FGF14: variants seen among roughly 807,000 people sequenced by gnomAD.
FGF14 encodes fibroblast growth factor 14.
A neutral mutation model predicts 25.5 loss-of-function variants in FGF14; 5 were observed. That is an observed-to-expected ratio of 0.20 (90% CI 0.10 to 0.41). FGF14 has a LOEUF of 0.41. FGF14 is among the 10% of genes least tolerant of loss of function. The pLI is 1.00. For missense variants in FGF14, 222 were observed against 320.1 expected (o/e 0.69, Z 2.34); for synonymous variants, 138 against 118.3 (o/e 1.17, Z -1.08).
chr13:101,805,440 T>C (rs1467333747), intron 3 of FGF14, among the ~76,000 whole-genome samples: 1 of 152,188 alleles, frequency 6.6e-6, no homozygotes, highest in Admixed American at 6.6e-5. Flanking sequence ...TTCACTTTTA[T>C]TGCTGTGTTT....
At chr13:102,377,387 A>G (rs904325380) in intron 1 of FGF14, among the ~76,000 whole-genome samples, 3 of 152,240 alleles carry the variant, frequency 2.0e-5, no homozygotes, top group African/African-American at 7.2e-5. Flanking sequence ...TAGGGAAGAG[A>G]ATAGTAAAAA....
intron 3 of FGF14, among the ~76,000 whole-genome samples, chr13:101,754,292 A>G (rs1244546470): frequency 6.6e-6 from 1 of 152,204 alleles, no homozygotes; most frequent in Non-Finnish European, 1.5e-5. Flanking sequence ...GCCTTAATAA[A>G]AAAGTAGAGA....
intron 1 of FGF14, among the ~76,000 whole-genome samples, chr13:101,986,989 G>A (rs2038621560): frequency 6.6e-6 from 1 of 151,096 alleles, no homozygotes; most frequent in Non-Finnish European, 1.5e-5. Flanking sequence ...ATTTCTATCA[G>A]CTCCATCTTC....
chr13:102,021,499 G>T (rs1204985884), intron 1 of FGF14, among the ~76,000 whole-genome samples: 1 of 151,848 alleles, frequency 6.6e-6, no homozygotes, highest in South Asian at 2.1e-4. Context: ...TCTTGGTGGT[G>T]CCCTTTATGA....
intron 1 of FGF14, among the ~76,000 whole-genome samples, chr13:101,909,488 A>C (rs1045489059): frequency 3.3e-5 from 5 of 152,246 alleles, no homozygotes; most frequent in African/African-American, 1.2e-4. Flanking sequence ...GACACGTGAA[A>C]AAATGCTCAT....
intron 1 of FGF14, among the ~76,000 whole-genome samples, chr13:102,044,783 C>A (rs16959662): frequency 6.6e-6 from 1 of 152,096 alleles, no homozygotes; most frequent in East Asian, 1.9e-4. Context: ...CAGTCCCCCA[C>A]AACTTTCCAA....
At position 101,821,007 on chromosome 13, in the gene FGF14, GCA is replaced by G. The variant is rs1439545361; in HGVS notation, c.408+47716_408+47717del. ...CTGTCGCCCAGGCTGGAGTGCAGTG[GCA>G]TGATCTCGGCTCACTGCAGGCTCCG... On this transcript the variant is annotated intron_variant, in intron 3 of 4. Transcript: ENST00000376143. Among the ~76,000 whole-genome samples, 65 of 148,338 alleles carry G rather than the reference GCA, an allele frequency of 4.4e-4. 2 individuals carry two copies. The highest frequency in any genetic ancestry group is 2.7e-4 in the Admixed American group (4 of 14,856).
intron 1 of FGF14, among the ~76,000 whole-genome samples, chr13:102,267,929 G>A (rs2053067601): frequency 6.6e-6 from 1 of 151,858 alleles, no homozygotes; most frequent in African/African-American, 2.4e-5. Context: ...TAGGTGAGCT[G>A]ATGTTTTTCA....
intron 1 of FGF14, among the ~76,000 whole-genome samples, chr13:102,331,958 C>T (rs2056646293): frequency 6.6e-6 from 1 of 152,142 alleles, no homozygotes; most frequent in South Asian, 2.1e-4. Flanking sequence ...ACAGAAATAG[C>T]AATCAGCGCA....
At chr13:102,025,348 T>C (rs928008948) in intron 1 of FGF14, among the ~76,000 whole-genome samples, 4 of 152,064 alleles carry the variant, frequency 2.6e-5, no homozygotes, top group African/African-American at 9.7e-5. Context: ...TGGGATGTCT[T>C]TCTATTTATA....
At chr13:102,035,682 A>T (rs370119363) in intron 1 of FGF14, among the ~76,000 whole-genome samples, 1 of 152,202 alleles carries the variant, frequency 6.6e-6, no homozygotes, top group Admixed American at 6.5e-5. Flanking sequence ...CTGTAATAAC[A>T]TCTTAATAAC....
chr13:102,176,542 A>G (rs960977724), intron 1 of FGF14, among the ~76,000 whole-genome samples: 1 of 152,164 alleles, frequency 6.6e-6, no homozygotes, highest in Admixed American at 6.6e-5. Context: ...CATGCAATAA[A>G]CCTACACATA....
chr13:101,790,879 A>T (rs964689423), intron 3 of FGF14, among the ~76,000 whole-genome samples: 1 of 152,146 alleles, frequency 6.6e-6, no homozygotes, highest in Non-Finnish European at 1.5e-5. Flanking sequence ...GCAATTCATT[A>T]TATTTGTTTT....
chr13:102,024,562 C>G (rs191089607), intron 1 of FGF14, among the ~76,000 whole-genome samples: 3 of 151,972 alleles, frequency 2.0e-5, no homozygotes, highest in East Asian at 1.9e-4. Context: ...TAATATGAAG[C>G]GTTTTTCACT....
chr13:101,820,478 T>C (rs1566939980), intron 3 of FGF14, among the ~76,000 whole-genome samples: 1 of 152,174 alleles, frequency 6.6e-6, no homozygotes. Flanking sequence ...GTTGTGTTTC[T>C]GGGTTGAACG....
chr13:101,733,443 A>AAATT (rs2035944924), intron 3 of FGF14, among the ~76,000 whole-genome samples: 1 of 152,028 alleles, frequency 6.6e-6, no homozygotes, highest in African/African-American at 2.4e-5. Context: ...AAAAATACCA[A>AAATT]AATTAGCTGG....
At chr13:101,992,573 G>T (rs1030041539) in intron 1 of FGF14, among the ~76,000 whole-genome samples, 1 of 151,952 alleles carries the variant, frequency 6.6e-6, no homozygotes, top group African/African-American at 2.4e-5. Context: ...GGGATCGAAT[G>T]AAAAAAAGTG....
chr13:101,928,395 G>GGTGTGTGTGTGTGT (rs149758126), intron 1 of FGF14, among the ~76,000 whole-genome samples: 77 of 148,028 alleles, frequency 5.2e-4, no homozygotes, highest in African/African-American at 1.7e-3. Flanking sequence ...AACTTGCTGT[G>GGTGTGTGTGTGTGT]GTGTGTGTGT....
intron 1 of FGF14, among the ~76,000 whole-genome samples, chr13:102,369,761 G>A (rs1234000364): frequency 1.3e-5 from 2 of 152,014 alleles, no homozygotes; most frequent in Non-Finnish European, 2.9e-5. Context: ...ATAATGCATA[G>A]GAATATATAA....
Sources: gnomAD v4.1 joint callset for allele counts (sites outside exome capture counted in the v4.1 genomes callset) on GRCh38, gnomAD v4.1.1 for gene constraint, MANE v1.5 for transcripts, NCBI Gene and HGNC (gene_info 2026-07-23, HGNC 2026-07-21) for gene names.